The following VPS54 variants were observed in gnomAD, a reference collection of about 807,000 sequenced individuals.
The protein encoded by VPS54 is vacuolar protein sorting-associated protein 54.
In VPS54, 45 loss-of-function variants were observed where a neutral mutation model predicts 121.5. That is an observed-to-expected ratio of 0.37 (90% confidence interval 0.29 to 0.47). The LOEUF (loss-of-function observed/expected upper bound fraction) is 0.47, where lower values mean the gene tolerates loss of function less well. Ranked by LOEUF, VPS54 falls within the 20% of genes least tolerant of loss-of-function variation. The probability of loss-of-function intolerance (pLI) is 0.99; values close to 1 mark genes in which losing one functional copy is unlikely to be tolerated. For missense variants in VPS54, 1,090 were observed against 1,131.4 expected (o/e 0.96, Z 0.52); for synonymous variants, 371 against 385.8 (o/e 0.96, Z 0.45).
At chr2:63,989,719 G>A (rs1294270737) in intron 1 of VPS54, among the ~76,000 whole-genome samples, 3 of 152,130 alleles carry the variant, frequency 2.0e-5, no homozygotes, top group African/African-American at 7.2e-5. Context: ...GTCACACGGA[G>A]TCTAAAAATT....
At chr2:63,963,981 A>G (rs959754311) in intron 6 of VPS54, among the ~76,000 whole-genome samples, 1 of 152,180 alleles carries the variant, frequency 6.6e-6, no homozygotes, top group Non-Finnish European at 1.5e-5. Flanking sequence ...TTAATGAAGT[A>G]AGCAGTGCAG....
rs971871855 is a variant in VPS54 at position 63,892,486 on chromosome 2, C to T, written c.*944G>A. 2 of 152,454 alleles carry T rather than the reference C, an allele frequency of 1.3e-5. No homozygotes were observed. Among genetic ancestry groups the T allele is most frequent in the Non-Finnish European group, 2.9e-5 (2 of 67,998 alleles). The allele number at this position is 152,454 out of a possible 1,614,324, so 9.4% of individuals were successfully genotyped here. On this transcript the variant is annotated 3_prime_UTR_variant, in exon 23 of 23. Transcript: ENST00000272322. The stretch of plus-strand genomic sequence containing the variant: ...GTTCTGTTTCTCCCTGGTCTTTGTT[C>T]GTATACACATCGAAAGTAACTTAAA...
chr2:63,993,578 T>G (rs1247362229), intron 1 of VPS54, among the ~76,000 whole-genome samples: 1 of 152,240 alleles, frequency 6.6e-6, no homozygotes, highest in African/African-American at 2.4e-5. Context: ...ACAGACTCGG[T>G]GTAGAATACT....
At chr2:63,963,502 T>C (rs1675859392) in intron 6 of VPS54, among the ~76,000 whole-genome samples, 1 of 152,110 alleles carries the variant, frequency 6.6e-6, no homozygotes, top group South Asian at 2.1e-4. Context: ...AATTCATAGT[T>C]TCAAAGGGTT....
In VPS54 at chr2:63,962,425, T is replaced by C; in HGVS notation, c.643A>G (p.Ile215Val). ...LQEKLSHYLD[I>V]VEVNIAHQIS... is the part of the protein sequence containing the mutation. ...TGGTGAGCAATGTTTACTTCCACAATATCCAGATAATGGCTCAGCTTAAAA... is the reference window on the plus strand; with the variant it reads ...TGGTGAGCAATGTTTACTTCCACAACATCCAGATAATGGCTCAGCTTAAAA... The change falls in exon 7 of 23, where the codon ATT (isoleucine) becomes GTT (valine). Residue 215 changes from isoleucine (I) to valine (V), a missense_variant. Ile to Val is a conservative substitution (Grantham distance 29, BLOSUM62 3). Around this residue, in one of 2 missense-constraint regions of VPS54, gnomAD observed 801 missense variants for 757.0 expected, o/e 1.06. Coordinates refer to ENST00000272322, the MANE Select transcript of VPS54 (RefSeq NM_016516.3). 3.7e-6 allele frequency: 6 copies of C among 1,611,610 alleles called. No homozygotes were observed. The highest frequency in any genetic ancestry group is 1.1e-5 in the South Asian group (1 of 90,858).
At chr2:63,913,722 C>T in intron 17 of VPS54, 1 of 438,750 alleles carries the variant, frequency 2.3e-6, no homozygotes, top group Non-Finnish European at 3.1e-6. Flanking sequence ...TTCCTCCGTA[C>T]TGGTAGTTTA....
chr2:64,009,780 C>A (rs1175073940), intron 1 of VPS54, among the ~76,000 whole-genome samples: 2 of 151,820 alleles, frequency 1.3e-5, no homozygotes, highest in East Asian at 3.9e-4. Flanking sequence ...CATCACTGCA[C>A]TCTGACCAAG....
At chr2:63,958,268 C>CA (rs1242100834) in intron 7 of VPS54, among the ~76,000 whole-genome samples, 2 of 151,148 alleles carry the variant, frequency 1.3e-5, no homozygotes, top group African/African-American at 2.4e-5. Flanking sequence ...CAGAGGTCAC[C>CA]AAAAAAGTTT....
chr2:64,016,610 ATTTT>A (rs34383340), intron 1 of VPS54, among the ~76,000 whole-genome samples: 4 of 137,126 alleles, frequency 2.9e-5, no homozygotes, highest in Non-Finnish European at 4.8e-5. Context: ...TGAATTGTAT[ATTTT>A]TTTTTTTTTT....
chr2:63,902,071 C>T (rs1207521773), intron 20 of VPS54, among the ~76,000 whole-genome samples: 2 of 152,028 alleles, frequency 1.3e-5, no homozygotes, highest in Non-Finnish European at 2.9e-5. Flanking sequence ...ACAAAAACAC[C>T]TGAAGCCCAG....
At chr2:63,960,559 G>T (rs1311693263) in intron 7 of VPS54, among the ~76,000 whole-genome samples, 1 of 152,160 alleles carries the variant, frequency 6.6e-6, no homozygotes, top group Non-Finnish European at 1.5e-5. Flanking sequence ...GTTTGCCAAG[G>T]CGGCATTCAA....
In VPS54 at chr2:63,962,318, C is replaced by G. The variant is rs779056829; in HGVS notation, c.750G>C (p.Gln250His). 6.2e-6 allele frequency: 10 copies of G among 1,613,944 alleles called. No individual in the cohort carries two copies. The East Asian group carries it at 2.0e-4, about 32-fold the overall frequency. Residue 250 changes from glutamine (Q) to histidine (H), a missense_variant, in exon 7 of 23, where the codon CAG becomes CAC. Around this residue, in one of 2 missense-constraint regions of VPS54, gnomAD observed 801 missense variants for 757.0 expected, o/e 1.06. Transcript: ENST00000272322. ...TTTTATCTCGAAGCATTTTTACAGC[C>G]TGGGAAGTTTTCCTGAGGTAGTCCT... ...ELQDYLRKTS[Q>H]AVKMLRDKIA...
Position 63,913,224 on chromosome 2 carries a change from C to T in VPS54, c.2421G>A (p.Leu807=), listed in dbSNP as rs780694845. The T allele has an allele frequency of 6.2e-7, 1 of 1,608,024 alleles. No homozygotes were observed. The highest frequency in any genetic ancestry group is 8.5e-7 in the Non-Finnish European group (1 of 1,177,660). Residue 807 remains leucine (L), a splice_region_variant and synonymous_variant, in exon 18 of 23, where the codon TTG becomes TTA. Coordinates refer to ENST00000272322, the MANE Select transcript of VPS54 (RefSeq NM_016516.3). ...TGAATTAAACGCAAGAATCCATACC[C>T]AAATTTTTTGTAGTTATCGTTTTTA... The part of the protein sequence containing the change: ...VGLKTITTKN[L]ALSSRCLQLI...
Position 63,893,038 on chromosome 2 carries a change from G to A in VPS54, c.*392C>T, listed in dbSNP as rs1672289699. ...TTTAAATTGTACCATCATTAAATAA[G>A]GTGGGACACCATATGAATTTCATTG... On this transcript the variant is annotated 3_prime_UTR_variant, in exon 23 of 23. Coordinates refer to ENST00000272322, the MANE Select transcript of VPS54 (RefSeq NM_016516.3). The A allele has an allele frequency of 6.0e-6, 1 of 167,750 alleles. No individual in the cohort carries two copies. Among genetic ancestry groups the A allele is most frequent in the Non-Finnish European group, 1.3e-5 (1 of 77,834 alleles). 10.4% of individuals were successfully genotyped at this position (167,750 alleles called of 1,614,324 possible). A position where few individuals can be genotyped will look rare whatever the true frequency, so the allele number is the denominator to read the frequency against.
chr2:63,928,546 T>C (rs984238260), intron 12 of VPS54, among the ~76,000 whole-genome samples: 1 of 152,018 alleles, frequency 6.6e-6, no homozygotes, highest in Non-Finnish European at 1.5e-5. Context: ...TACCAGACAC[T>C]GCAAAAACAG....
chr2:63,990,821 C>G (rs1330078410), intron 1 of VPS54, among the ~76,000 whole-genome samples: 1 of 152,186 alleles, frequency 6.6e-6, no homozygotes, highest in Non-Finnish European at 1.5e-5. Context: ...TCGTTATGTA[C>G]CTCTTAATCT....
intron 19 of VPS54, 21 bp from the exon 20 acceptor site, chr2:63,912,446 T>G (rs1673189606): frequency 6.2e-7 from 1 of 1,611,862 alleles, no homozygotes; most frequent in Non-Finnish European, 8.5e-7. Context: ...AAATGATAAT[T>G]GTATTTTTAA....
chr2:63,965,780 C>T, intron 6 of VPS54, 55 bp downstream of exon 6: 1 of 1,584,074 alleles, frequency 6.3e-7, no homozygotes, highest in Non-Finnish European at 8.5e-7. Flanking sequence ...CCCAAGCAAA[C>T]AGTACCGCTT....
intron 14 of VPS54, 105 bp downstream of exon 14, chr2:63,920,340 TA>T (rs1673585377): frequency 9.2e-7 from 1 of 1,088,746 alleles, no homozygotes; most frequent in African/African-American, 1.6e-5. Context: ...AAAAAACCTT[TA>T]TCAGGCATTT....
Sources: gnomAD v4.1 joint callset for allele counts (sites outside exome capture counted in the v4.1 genomes callset) on GRCh38, gnomAD v4.1.1 for gene constraint, gnomAD v4.1.1 regional missense constraint, MANE v1.5 for transcripts, NCBI Gene and HGNC (gene_info 2026-07-23, HGNC 2026-07-21) for gene names.